The following ANKS1A variants were observed in gnomAD, a reference collection of about 807,000 sequenced individuals.
ANKS1A encodes ankyrin repeat and SAM domain-containing protein 1A.
ANKS1A carries 55 observed loss-of-function variants against 120.3 expected under a neutral mutation model. That is an observed-to-expected ratio of 0.46 (90% CI 0.37 to 0.57). ANKS1A has a LOEUF of 0.57. Ranked by LOEUF, ANKS1A falls within the 20% of genes least tolerant of loss-of-function variation. ANKS1A has a pLI of 0.00. For synonymous variants in ANKS1A, 590 were observed against 604.7 expected (o/e 0.98, Z 0.36); for missense variants, 1,123 against 1,480.3 (o/e 0.76, Z 3.96).
intron 8 of ANKS1A, among the ~76,000 whole-genome samples, 184 bp downstream of exon 8, chr6:34,985,462 T>C (rs1037353404): frequency 6.6e-6 from 1 of 152,236 alleles, no homozygotes; most frequent in African/African-American, 2.4e-5. Flanking sequence ...ACTGAAACTC[T>C]ACAGATCACA....
At chr6:34,908,625 G>A (rs1287280228) in intron 1 of ANKS1A, among the ~76,000 whole-genome samples, 2 of 152,118 alleles carry the variant, frequency 1.3e-5, no homozygotes, top group African/African-American at 4.8e-5. Flanking sequence ...TTATGAACTC[G>A]GTAACTCTCT....
chr6:35,082,665 G>A lies in ANKS1A; in HGVS notation c.2710-26G>A. ...ATGTGCTCCTCTGGAGCAAGGAGCA[G>A]GTGTCCAATTGCGTGTGTTTCGCAG... On this transcript the variant is annotated intron_variant, in intron 17 of 23. Transcript: ENST00000360359. The surrounding 1 kb of genome is among the most constrained non-coding windows in gnomAD (Gnocchi z 4.1). 6.3e-7 allele frequency: 1 copy of A among 1,595,538 alleles called. No homozygotes were observed. Among genetic ancestry groups the A allele is most frequent in the Non-Finnish European group, 8.5e-7 (1 of 1,170,318 alleles).
rs185122703 is a variant in ANKS1A at position 34,940,890 on chromosome 6, G to A, written c.198-26349G>A. 6.5e-3 allele frequency among the ~76,000 whole-genome samples: 973 copies of A among 150,372 alleles called. 7 individuals carry two copies. Among genetic ancestry groups the A allele is most frequent in the African/African-American group, 0.02 (808 of 40,856 alleles). On this transcript the variant is annotated intron_variant, in intron 1 of 23. Transcript: ENST00000360359. ...GCCATTGCACTCCATCCTGGGCAAC[G>A]AGGATGAAACTCTGTGTCAAAAAAA...
intron 1 of ANKS1A, among the ~76,000 whole-genome samples, chr6:34,913,695 G>A (rs1768011882): frequency 6.6e-6 from 1 of 152,084 alleles, no homozygotes; most frequent in Admixed American, 6.5e-5. Context: ...GGAGTACAGT[G>A]GTACAATCTT....
Position 35,044,966 on chromosome 6 carries a change from G to T in ANKS1A, c.2011-9133G>T, listed in dbSNP as rs1174229282. 6.6e-6 allele frequency among the ~76,000 whole-genome samples: 1 copy of T among 152,186 alleles called. No individual in the cohort carries two copies. The highest frequency in any genetic ancestry group is 1.5e-5 in the Non-Finnish European group (1 of 68,034). On this transcript the variant is annotated intron_variant, in intron 11 of 23. Transcript: ENST00000360359. The surrounding 1 kb of genome is among the most constrained non-coding windows in gnomAD (Gnocchi z 4.4). Reference sequence around the variant, plus strand: ...CCCAGTGTAAGTAAGGCTGGCATCTGGTCAAGTTACAGAGGGAAACAGGCA... The same window carrying T: ...CCCAGTGTAAGTAAGGCTGGCATCTTGTCAAGTTACAGAGGGAAACAGGCA...
At chr6:34,975,720 C>CT (rs1196169740) in intron 3 of ANKS1A, among the ~76,000 whole-genome samples, 1 of 151,910 alleles carries the variant, frequency 6.6e-6, no homozygotes, top group Admixed American at 6.6e-5. Context: ...GCAGTGATCA[C>CT]TGTCACCTGG....
intron 10 of ANKS1A, among the ~76,000 whole-genome samples, chr6:34,997,567 G>A (rs906939628): frequency 2.0e-5 from 3 of 152,104 alleles, no homozygotes; most frequent in Non-Finnish European, 4.4e-5. Flanking sequence ...CTAGTCATTC[G>A]ATAATAAATT....
chr6:34,985,970 A>G (rs529807715), intron 8 of ANKS1A, among the ~76,000 whole-genome samples: 3 of 152,232 alleles, frequency 2.0e-5, no homozygotes, highest in East Asian at 1.9e-4. Context: ...TTGTAAGTTG[A>G]AAATCTCATA....
At chr6:35,062,944 CAG>C (rs1776588766) in intron 13 of ANKS1A, among the ~76,000 whole-genome samples, 1 of 152,212 alleles carries the variant, frequency 6.6e-6, no homozygotes, top group Admixed American at 6.5e-5. Context: ...TGGGACCACA[CAG>C]AACATGTTTA....
intron 12 of ANKS1A, among the ~76,000 whole-genome samples, chr6:35,056,497 C>T (rs1319085031): frequency 2.0e-5 from 3 of 152,132 alleles, no homozygotes; most frequent in South Asian, 2.1e-4. Flanking sequence ...ACCGTGTTAG[C>T]CAGGATGGTC....
intron 1 of ANKS1A, among the ~76,000 whole-genome samples, chr6:34,911,502 C>T (rs1767906382): frequency 6.6e-6 from 1 of 152,128 alleles, no homozygotes; most frequent in South Asian, 2.1e-4. Flanking sequence ...CCACCCAGGC[C>T]TTCTTCAATC....
At chr6:35,067,840 T>C (rs964994334) in intron 13 of ANKS1A, among the ~76,000 whole-genome samples, 1 of 151,138 alleles carries the variant, frequency 6.6e-6, no homozygotes, top group Non-Finnish European at 1.5e-5. Context: ...CCTGAGGTGA[T>C]AGACTTATGG....
intron 1 of ANKS1A, among the ~76,000 whole-genome samples, chr6:34,908,552 G>T (rs1441846704): frequency 6.6e-6 from 1 of 152,142 alleles, no homozygotes; most frequent in Non-Finnish European, 1.5e-5. Context: ...AGTTGTTTCA[G>T]TTTCAACAGG....
chr6:34,932,448 G>A (rs1176564925), intron 1 of ANKS1A, among the ~76,000 whole-genome samples: 2 of 151,990 alleles, frequency 1.3e-5, no homozygotes, highest in African/African-American at 4.8e-5. Context: ...GCAGTGGTGC[G>A]ATCTTGACTC....
At chr6:34,994,805 G>A (rs991568346) in intron 10 of ANKS1A, among the ~76,000 whole-genome samples, 10 of 152,324 alleles carry the variant, frequency 6.6e-5, no homozygotes, top group Non-Finnish European at 1.2e-4. Context: ...TGACGGCACA[G>A]ACTCTGCTTT....
chr6:34,900,983 T>TTCAC (rs1306002737), intron 1 of ANKS1A, among the ~76,000 whole-genome samples: 1 of 152,176 alleles, frequency 6.6e-6, no homozygotes, highest in African/African-American at 2.4e-5. Flanking sequence ...TTTTCGGACT[T>TTCAC]CTAGAAAATT....
chr6:34,949,996 TTC>T (rs1561865984), intron 1 of ANKS1A, among the ~76,000 whole-genome samples: 1 of 152,200 alleles, frequency 6.6e-6, no homozygotes, highest in African/African-American at 2.4e-5. Flanking sequence ...CCAGAACGCT[TTC>T]TCTCTCTGGA....
chr6:35,054,189 C>G (rs774866221), intron 12 of ANKS1A, 24 bp downstream of exon 12: 2 of 1,611,524 alleles, frequency 1.2e-6, no homozygotes, highest in Non-Finnish European at 1.7e-6. Flanking sequence ...TGGCCATTTT[C>G]CCCACAGAAA....
At chr6:35,066,601 A>G (rs1236767868) in intron 13 of ANKS1A, among the ~76,000 whole-genome samples, 1 of 152,010 alleles carries the variant, frequency 6.6e-6, no homozygotes, top group South Asian at 2.1e-4. Context: ...TCCCAAACCC[A>G]TGTGCTGTCA....
Sources: gnomAD v4.1 joint callset for allele counts (sites outside exome capture counted in the v4.1 genomes callset) on GRCh38, gnomAD v4.1.1 for gene constraint, Gnocchi (gnomAD v3.1) non-coding constraint, MANE v1.5 for transcripts, NCBI Gene and HGNC (gene_info 2026-07-23, HGNC 2026-07-21) for gene names.